Variants in ZNF586 observed in about 807,000 individuals in gnomAD.
ZNF586 encodes the protein zinc finger protein 586.
A neutral mutation model predicts 6.7 loss-of-function variants in ZNF586; 7 were observed. The ratio of observed to expected loss-of-function variants is 1.04; its 90% CI spans 0.59 to 1.95. ZNF586 has a LOEUF of 1.95. Ranked by LOEUF, ZNF586 falls within the 30% of genes most tolerant of loss-of-function variation. The probability of loss-of-function intolerance (pLI) is 0.00; values close to 1 mark genes in which losing one functional copy is unlikely to be tolerated. For missense variants in ZNF586, 442 were observed against 489.6 expected, an observed-to-expected ratio of 0.90 and a Z score of 0.92; for synonymous variants, 166 against 168.7, an observed-to-expected ratio of 0.98 and a Z score of 0.12.
chr19:57,774,216 CAAA>C (rs34864063), intron 1 of ZNF586, among the ~76,000 whole-genome samples: 2,790 of 68,932 alleles, frequency 0.04, 123 homozygotes, highest in African/African-American at 0.16. Context: ...AACTCCGTCT[CAAA>C]AAAAAAAAAA....
chr19:57,775,843 C>A (rs1987223078), intron 1 of ZNF586, among the ~76,000 whole-genome samples: 1 of 152,134 alleles, frequency 6.6e-6, no homozygotes, highest in Non-Finnish European at 1.5e-5. Flanking sequence ...CTCAGGTGAT[C>A]CACCCGCCTC....
intron 1 of ZNF586, chr19:57,774,854 G>A: frequency 1.7e-6 from 1 of 598,586 alleles, no homozygotes; most frequent in Non-Finnish European, 2.1e-6. Context: ...GGTGATACCA[G>A]TACTACCTCA....
intron 1 of ZNF586, among the ~76,000 whole-genome samples, chr19:57,773,813 G>C (rs1664651916): frequency 6.6e-6 from 1 of 152,226 alleles, no homozygotes; most frequent in African/African-American, 2.4e-5. Context: ...TGGGGTGTTT[G>C]ATTCAGCCTG....
At chr19:57,771,073 G>A (rs1355840880) in intron 1 of ZNF586, among the ~76,000 whole-genome samples, 1 of 151,920 alleles carries the variant, frequency 6.6e-6, no homozygotes, top group Non-Finnish European at 1.5e-5. Context: ...AGGCCGAGGC[G>A]GGCGGATCAC....
rs1261506059 is a variant in ZNF586 at position 57,769,960 on chromosome 19, G to C, written c.36+82G>C. On this transcript the variant is annotated intron_variant, in intron 1 of 2. Transcript: ENST00000396154. ...CTGATCGTGAGGGCCGCCTCCTCGC[G>C]TCCCTGCAGCCCAGGCCTCTGTCAG... is the stretch of plus-strand genomic sequence containing the variant. 5.8e-5 allele frequency: 65 copies of C among 1,115,476 alleles called. 1 individual carries two copies. The highest frequency in any genetic ancestry group is 3.2e-4 in the Middle Eastern group (1 of 3,080). 69.1% of individuals were successfully genotyped at this position (1,115,476 alleles called of 1,614,324 possible). A position where few individuals can be genotyped will look rare whatever the true frequency, so the allele number is the denominator to read the frequency against.
At chr19:57,778,655 C>G in intron 2 of ZNF586, 96 bp from the exon 3 acceptor site, 1 of 1,180,456 alleles carries the variant, frequency 8.5e-7, no homozygotes, top group South Asian at 1.5e-5. Flanking sequence ...CAAATAATTC[C>G]ATAGACTAGT....
Position 57,769,870 on chromosome 19 carries a change from C to G in ZNF586, c.28C>G (p.Pro10Ala), listed in dbSNP as rs1568481826. 2 of 1,543,818 alleles carry G rather than the reference C, an allele frequency of 1.3e-6. No individual in the cohort carries two copies. The highest frequency in any genetic ancestry group is 8.7e-7 in the Non-Finnish European group (1 of 1,144,928). MAAAAALRA[P>A]AQSSVTFEDV... ...GGCGGCAGCAGCCGCTCTGAGGGCG[C>G]CTGCTCAGGTGAGCGCTGCGACCTC... The change falls in exon 1 of 3, where the codon CCT becomes GCT. Residue 10 changes from proline (P) to alanine (A), a missense_variant. By Grantham distance (27) the Pro-to-Ala change is conservative. Coordinates refer to ENST00000396154, the MANE Select transcript of ZNF586 (RefSeq NM_017652.4).
Position 57,779,801 on chromosome 19 carries a change from A to G in ZNF586, c.*5A>G. ...GGAATGAGGCCTTATAAGTGAAGCA[A>G]ATTTTGGAAATTCTCTTGCCCAGGC... is the stretch of plus-strand genomic sequence containing the variant. On this transcript the variant is annotated 3_prime_UTR_variant, in exon 3 of 3. Coordinates refer to ENST00000396154, the MANE Select transcript of ZNF586 (RefSeq NM_017652.4). 1 of 1,560,290 alleles carries G rather than the reference A, an allele frequency of 6.4e-7. No homozygotes were observed.
chr19:57,770,341 C>A (rs879835129), intron 1 of ZNF586, among the ~76,000 whole-genome samples: 1 of 151,750 alleles, frequency 6.6e-6, no homozygotes, highest in Admixed American at 6.6e-5. Flanking sequence ...GCTAGGCTGG[C>A]CTCGAACTCC....
At chr19:57,776,406 C>G in intron 1 of ZNF586, 137 bp from the exon 2 acceptor site, 2 of 1,029,550 alleles carry the variant, frequency 1.9e-6, no homozygotes, top group Non-Finnish European at 2.8e-6. Context: ...CACAGTGGCA[C>G]TAGTGGGCAA....
At chr19:57,778,317 C>T (rs1987289728) in intron 2 of ZNF586, among the ~76,000 whole-genome samples, 1 of 152,024 alleles carries the variant, frequency 6.6e-6, no homozygotes, top group East Asian at 1.9e-4. Flanking sequence ...CCTTGTGATC[C>T]ACCCACCTCG....
In ZNF586 at chr19:57,769,782, A is replaced by G; in HGVS notation, c.-61A>G. The G allele has an allele frequency of 6.6e-7, 1 of 1,525,574 alleles. No individual in the cohort carries two copies. Among genetic ancestry groups the G allele is most frequent in the Non-Finnish European group, 8.8e-7 (1 of 1,130,072 alleles). 94.5% of individuals were successfully genotyped at this position (1,525,574 alleles called of 1,614,324 possible). A position where few individuals can be genotyped will look rare whatever the true frequency, so the allele number is the denominator to read the frequency against. Reference sequence around the variant, plus strand: ...AGGTTCGGCGACGCCGCTGGTCGCGACCCGGGACAGGACAACGACAGGAAC... The same window carrying G: ...AGGTTCGGCGACGCCGCTGGTCGCGGCCCGGGACAGGACAACGACAGGAAC... On this transcript the variant is annotated 5_prime_UTR_variant, in exon 1 of 3. Transcript: ENST00000396154.
At chr19:57,772,727 A>C (rs911005427) in intron 1 of ZNF586, among the ~76,000 whole-genome samples, 2 of 152,292 alleles carry the variant, frequency 1.3e-5, no homozygotes. Context: ...CCATCCAGGA[A>C]CTTCCATGTG....
Position 57,779,970 on chromosome 19 carries a change from A to G in ZNF586, c.*174A>G, listed in dbSNP as rs997598031. The G allele has an allele frequency of 4.2e-5, 25 of 602,248 alleles. No individual in the cohort carries two copies. The highest frequency in any genetic ancestry group is 6.8e-5 in the Non-Finnish European group (24 of 350,966). 37.3% of individuals were successfully genotyped at this position (602,248 alleles called of 1,614,324 possible). A position where few individuals can be genotyped will look rare whatever the true frequency, so the allele number is the denominator to read the frequency against. The stretch of plus-strand genomic sequence containing the variant: ...AAGAAGTGCCTTTTGAGTGCAATGA[A>G]TGTGAGAAAGCCTTCAGCCCTCTCT... On this transcript the variant is annotated 3_prime_UTR_variant, in exon 3 of 3. Coordinates refer to ENST00000396154, the MANE Select transcript of ZNF586 (RefSeq NM_017652.4).
chr19:57,775,041 C>T (rs1987197214), intron 1 of ZNF586, among the ~76,000 whole-genome samples: 2 of 151,768 alleles, frequency 1.3e-5, no homozygotes, highest in Admixed American at 6.6e-5. Flanking sequence ...GCTCTGTCGC[C>T]CAGGCTGGAG....
chr19:57,771,314 AAAG>A (rs1374742450), intron 1 of ZNF586, among the ~76,000 whole-genome samples: 4 of 150,998 alleles, frequency 2.6e-5, no homozygotes, highest in East Asian at 2.0e-4. Flanking sequence ...AAAAAAAAAA[AAAG>A]AGAGAGAGAG....
rs542127024 is a variant in ZNF586, at chr19:57,770,855, C to CT, written c.36+989dup. On this transcript the variant is annotated intron_variant, in intron 1 of 2. Transcript: ENST00000396154. The stretch of plus-strand genomic sequence containing the variant: ...ATCCCACATGTCTAGATCTTGGCAT[C>CT]TTTTTTTTTTTTCGGCGACGGGTTC... Among the ~76,000 whole-genome samples, 1,023 of 146,860 alleles carry CT rather than the reference C, an allele frequency of 7.0e-3. 6 individuals are homozygous for CT. The highest frequency in any genetic ancestry group is 0.019 in the South Asian group (90 of 4,678).
chr19:57,776,816 G>A lies in ZNF586; in HGVS notation c.163+147G>A, dbSNP rs114787787. ...TGTTGTTGGTCGGACTGAGGTGTAC[G>A]TACTGCCCTGTCCTTTCCTTGAGCA... On this transcript the variant is annotated intron_variant, in intron 2 of 2. Coordinates refer to ENST00000396154, the MANE Select transcript of ZNF586 (RefSeq NM_017652.4). 293 of 920,064 alleles carry A rather than the reference G, an allele frequency of 3.2e-4. No homozygotes were observed. In the African/African-American group the frequency reaches 4.4e-3, roughly 14 times the overall value. 57.0% of individuals were successfully genotyped at this position (920,064 alleles called of 1,614,324 possible).
chr19:57,776,719 C>T (rs1331411634), intron 2 of ZNF586, 50 bp downstream of exon 2: 1 of 1,527,202 alleles, frequency 6.5e-7, no homozygotes, highest in African/African-American at 1.4e-5. Flanking sequence ...TGCCCCTCAC[C>T]TTTATGCCTT....
Sources: allele counts gnomAD v4.1 joint callset (sites outside exome capture counted in the v4.1 genomes callset), GRCh38; gene constraint gnomAD v4.1.1; transcripts MANE v1.5; gene names NCBI Gene and HGNC (gene_info 2026-07-23, HGNC 2026-07-21).